Variants in NLRC3 observed in about 807,000 individuals in gnomAD.
NLRC3 encodes NLR family CARD domain-containing protein 3.
In NLRC3, 87 loss-of-function variants were observed where a neutral mutation model predicts 91.6. The ratio of observed to expected loss-of-function variants is 0.95; its 90% CI spans 0.80 to 1.14. The LOEUF is 1.14. Ranked by LOEUF, NLRC3 falls within the 50% of genes most tolerant of loss-of-function variation. NLRC3 has a pLI of 0.00. For missense variants in NLRC3, 1,577 were observed against 1,418.6 expected (o/e 1.11, Z -1.79); for synonymous variants, 694 against 625.3 (o/e 1.11, Z -1.64).
intron 1 of NLRC3, among the ~76,000 whole-genome samples, chr16:3,576,913 G>A (rs56071110): frequency 0.054 from 8,242 of 152,174 alleles, 263 homozygotes; most frequent in Admixed American, 0.07. Flanking sequence ...CAAGTGATCC[G>A]CCCACCTTGG....
At chr16:3,574,007 CTTTTTTTTTT>C (rs35126359) in intron 1 of NLRC3, among the ~76,000 whole-genome samples, 27 of 40,408 alleles carry the variant, frequency 6.7e-4, no homozygotes, top group Admixed American at 1.9e-3. Flanking sequence ...ACCATTTTAT[CTTTTTTTTTT>C]TTTTTTTTTT....
intron 8 of NLRC3, 133 bp from the exon 9 acceptor site, chr16:3,554,458 G>T: frequency 1.6e-6 from 1 of 635,708 alleles, no homozygotes; most frequent in Non-Finnish European, 2.9e-6. Context: ...CGCCCACCAT[G>T]CAGGGAGAGC....
chr16:3,571,421 T>C (rs2040092045), intron 1 of NLRC3, among the ~76,000 whole-genome samples: 1 of 150,736 alleles, frequency 6.6e-6, no homozygotes, highest in African/African-American at 2.4e-5. Flanking sequence ...GGTGGGCACC[T>C]GTGGAACTAG....
intron 8 of NLRC3, among the ~76,000 whole-genome samples, chr16:3,556,318 CAAAAAAAAAAAAAAAAAAAAAA>C (rs199528753): frequency 1.0e-3 from 39 of 38,784 alleles, no homozygotes; most frequent in Admixed American, 9.0e-3. Flanking sequence ...GAATCCGTCT[CAAAAAAAAAAAAAAAAAAAAAA>C]AAAAAAAAAA....
At chr16:3,562,467 C>G (rs2039654487) in intron 5 of NLRC3, among the ~76,000 whole-genome samples, 1 of 152,048 alleles carries the variant, frequency 6.6e-6, no homozygotes, top group African/African-American at 2.4e-5. Flanking sequence ...ATGGTGAAAC[C>G]CCGTCTCTAC....
chr16:3,577,079 C>A, intron 1 of NLRC3, 70 bp downstream of exon 1: 1 of 702,886 alleles, frequency 1.4e-6, no homozygotes, highest in Non-Finnish European at 2.6e-6. Context: ...GCCTTAAGGC[C>A]ACTGTCCTTC....
At chr16:3,559,625 A>G (rs1355197996) in intron 6 of NLRC3, among the ~76,000 whole-genome samples, 2 of 149,374 alleles carry the variant, frequency 1.3e-5, no homozygotes, top group African/African-American at 4.9e-5. Flanking sequence ...TCATTCTTTT[A>G]CTTTTCTTTT....
At chr16:3,574,282 C>T (rs1464184750) in intron 1 of NLRC3, among the ~76,000 whole-genome samples, 8 of 152,034 alleles carry the variant, frequency 5.3e-5, no homozygotes, top group African/African-American at 1.4e-4. Context: ...TGAACCACTG[C>T]GCCCGGCCTT....
chr16:3,553,166 A>G (rs2151089908), intron 9 of NLRC3, among the ~76,000 whole-genome samples: 1 of 152,248 alleles, frequency 6.6e-6, no homozygotes, highest in South Asian at 2.1e-4. Context: ...ACTCCTTACC[A>G]CCCTCATTTT....
intron 17 of NLRC3, 47 bp from the exon 18 acceptor site, chr16:3,542,822 G>A: frequency 7.4e-7 from 1 of 1,345,124 alleles, no homozygotes; most frequent in East Asian, 2.4e-5. Flanking sequence ...AGGCTGAGAG[G>A]TGATACTGAC....
chr16:3,562,889 A>T, intron 5 of NLRC3, 120 bp downstream of exon 5: 1 of 927,446 alleles, frequency 1.1e-6, no homozygotes, highest in Non-Finnish European at 1.7e-6. Context: ...CACCAAGTTC[A>T]TGGTCCTCTG....
At chr16:3,575,272 A>G (rs1167882658) in intron 1 of NLRC3, among the ~76,000 whole-genome samples, 2 of 152,112 alleles carry the variant, frequency 1.3e-5, no homozygotes, top group Non-Finnish European at 2.9e-5. Context: ...GGGGCTGGTT[A>G]CCTGGCTGCC....
Position 3,557,005 on chromosome 16 carries a change from A to G in NLRC3, c.2100-11T>C. 1.3e-6 allele frequency: 2 copies of G among 1,591,776 alleles called. 1 individual carries two copies. The highest frequency in any genetic ancestry group is 2.2e-5 in the South Asian group (2 of 90,518). ...GAGTTACCGCGGAGGCTGAAGGAAG[A>G]GAGAAAGAGACACCTCCTTCATCTG... On this transcript the variant is annotated splice_polypyrimidine_tract_variant and intron_variant, in intron 7 of 19. Transcript: ENST00000359128.
chr16:3,548,059 C>T lies in NLRC3; in HGVS notation c.2771+76G>A, dbSNP rs1336001348. On this transcript the variant is annotated intron_variant, in intron 15 of 19. Transcript: ENST00000359128. ...AGGGGTCACTGGATTGAGCCTCTGCCTGATGGGTACCAGGTTTTCAGATTC... is the reference window on the plus strand; with the variant it reads ...AGGGGTCACTGGATTGAGCCTCTGCTTGATGGGTACCAGGTTTTCAGATTC... The T allele has an allele frequency of 7.0e-6, 7 of 995,074 alleles. No homozygotes were observed. The Admixed American group carries it at 1.4e-4, about 20-fold the overall frequency. The allele number at this position is 995,074 out of a possible 1,614,324, so 61.6% of individuals were successfully genotyped here.
At chr16:3,566,949 A>T (rs2039907302) in intron 2 of NLRC3, among the ~76,000 whole-genome samples, 1 of 152,162 alleles carries the variant, frequency 6.6e-6, no homozygotes, top group Non-Finnish European at 1.5e-5. Flanking sequence ...AAAAGATAGA[A>T]GAAGGAGGAG....
chr16:3,569,397 A>ATTAT (rs2040014294), intron 1 of NLRC3, among the ~76,000 whole-genome samples: 10 of 41,062 alleles, frequency 2.4e-4, no homozygotes, highest in African/African-American at 6.2e-4. Context: ...TATATATATT[A>ATTAT]TTTTTTTTTT....
chr16:3,553,069 A>G (rs1374256151), intron 9 of NLRC3, among the ~76,000 whole-genome samples: 1 of 152,230 alleles, frequency 6.6e-6, no homozygotes, highest in Non-Finnish European at 1.5e-5. Flanking sequence ...CTCATCCTAC[A>G]AGGACAGGCA....
In NLRC3 at chr16:3,539,582, C is replaced by G. The variant is rs893603761; in HGVS notation, c.*2243G>C. 5.9e-5 allele frequency: 9 copies of G among 152,222 alleles called. No individual in the cohort carries two copies. Among genetic ancestry groups the G allele is most frequent in the African/African-American group, 2.2e-4 (9 of 41,454 alleles). 9.4% of individuals were successfully genotyped at this position (152,222 alleles called of 1,614,324 possible). ...TCTCCAGTGTTTGGCTACTGCAACT[C>G]TGTGTTCTGCCAGTCTCTTAACTCA... On this transcript the variant is annotated 3_prime_UTR_variant, in exon 20 of 20. Transcript: ENST00000359128.
rs2038343481 is a variant in NLRC3, at chr16:3,540,209, A to G, written c.*1616T>C. 1 of 152,200 alleles carries G rather than the reference A, an allele frequency of 6.6e-6. No homozygotes were observed. The highest frequency in any genetic ancestry group is 2.4e-5 in the African/African-American group (1 of 41,438). The allele number at this position is 152,200 out of a possible 1,614,324, so 9.4% of individuals were successfully genotyped here. A position where few individuals can be genotyped will look rare whatever the true frequency, so the allele number is the denominator to read the frequency against. ...GCCGTTTTGAGACTGCAAGGATATC[A>G]TCTTCCCGAGTAGGCCTTCATCCAT... On this transcript the variant is annotated 3_prime_UTR_variant, in exon 20 of 20. Transcript: ENST00000359128.
Sources: allele counts gnomAD v4.1 joint callset (sites outside exome capture counted in the v4.1 genomes callset), GRCh38; gene constraint gnomAD v4.1.1; transcripts MANE v1.5; gene names NCBI Gene and HGNC (gene_info 2026-07-23, HGNC 2026-07-21).